Variants in TCF12 observed in about 807,000 individuals in gnomAD.
TCF12 encodes DNA-binding protein HTF4.
TCF12 carries 45 observed loss-of-function variants against 86.0 expected under a neutral mutation model. The observed-to-expected ratio is 0.52, with a 90% CI of 0.41 to 0.67. TCF12 has a LOEUF of 0.67. TCF12 is among the 30% of genes least tolerant of loss of function. The pLI is 0.00. For missense variants in TCF12, 881 were observed against 859.9 expected, an observed-to-expected ratio of 1.02 and a Z score of -0.31; for synonymous variants, 330 against 299.6, an observed-to-expected ratio of 1.10 and a Z score of -1.05.
intron 5 of TCF12, among the ~76,000 whole-genome samples, chr15:57,102,064 A>G (rs1205382993): frequency 6.6e-6 from 1 of 152,162 alleles, no homozygotes; most frequent in Non-Finnish European, 1.5e-5. Flanking sequence ...AGGTAGTTAT[A>G]TGTTTATGAA....
Position 57,253,435 on chromosome 15 carries a change from A to G in TCF12, c.1434A>G (p.Ser478=). ...GCCTCAATTCAAACTATGGAGGATC[A>G]AGCCTTGTTGCAAGCAGTCGATCAG... is the stretch of plus-strand genomic sequence containing the variant. ...IGSLNSNYGG[S]SLVASSRSAS... The change falls in exon 16 of 21, where the codon TCA becomes TCG. Residue 478 remains serine (S), a synonymous_variant. Coordinates refer to ENST00000333725, the MANE Select transcript of TCF12 (RefSeq NM_207037.2). The G allele has an allele frequency of 6.2e-7, 1 of 1,614,116 alleles. No individual in the cohort carries two copies. Among genetic ancestry groups the G allele is most frequent in the East Asian group, 2.2e-5 (1 of 44,876 alleles).
chr15:57,247,427 T>C (rs1313882866), intron 13 of TCF12: 6 of 697,092 alleles, frequency 8.6e-6, no homozygotes, highest in Admixed American at 3.7e-5. Flanking sequence ...TCCAGCAGAC[T>C]ACATCTCTTG....
chr15:57,279,884 CTTT>C (rs34752903), intron 19 of TCF12, among the ~76,000 whole-genome samples: 37,546 of 97,742 alleles, frequency 0.38, 6,379 homozygotes, highest in Non-Finnish European at 0.48. Flanking sequence ...CACAGTCTCA[CTTT>C]TTTTTTTTTT....
intron 5 of TCF12, among the ~76,000 whole-genome samples, chr15:57,140,155 G>C (rs913903382): frequency 2.8e-4 from 42 of 152,192 alleles, no homozygotes; most frequent in Admixed American, 1.4e-3. Flanking sequence ...AAGTAACCAA[G>C]TGTGTGTTGA....
At chr15:57,164,359 A>T (rs543750515) in intron 5 of TCF12, among the ~76,000 whole-genome samples, 1 of 152,322 alleles carries the variant, frequency 6.6e-6, no homozygotes, top group East Asian at 1.9e-4. Flanking sequence ...ATTGACTCAC[A>T]GTTCAACATG....
In TCF12 at chr15:57,071,790, A is replaced by G. The variant is rs1182152275; in HGVS notation, c.222+7967A>G. On this transcript the variant is annotated intron_variant, in intron 4 of 20. Transcript: ENST00000333725. ...AGATTACTTTGGATGGTCAAGAAAGACTTAATAGAGGAGGAAGTGTTTGAG... is the reference window on the plus strand; with the variant it reads ...AGATTACTTTGGATGGTCAAGAAAGGCTTAATAGAGGAGGAAGTGTTTGAG... Among the ~76,000 whole-genome samples the G allele has an allele frequency of 9.2e-5, 14 of 152,172 alleles. 1 individual carries two copies. The highest frequency in any genetic ancestry group is 9.2e-4 in the Admixed American group (14 of 15,274).
intron 3 of TCF12, among the ~76,000 whole-genome samples, chr15:56,986,458 T>C (rs1214146833): frequency 6.6e-6 from 1 of 152,200 alleles, no homozygotes; most frequent in African/African-American, 2.4e-5. Flanking sequence ...GTTTCCATTT[T>C]GGTATTACAG....
intron 5 of TCF12, among the ~76,000 whole-genome samples, chr15:57,156,447 GT>G (rs1482610885): frequency 6.6e-6 from 1 of 152,164 alleles, no homozygotes; most frequent in Non-Finnish European, 1.5e-5. Context: ...TTCCATGTTT[GT>G]TTCATTCCGT....
intron 9 of TCF12, among the ~76,000 whole-genome samples, chr15:57,231,723 T>C (rs1343125938): frequency 6.6e-6 from 1 of 152,180 alleles, no homozygotes; most frequent in Non-Finnish European, 1.5e-5. Context: ...TGGTCTCCTG[T>C]GGTTTTGGAC....
chr15:57,045,033 T>C (rs926507667), intron 3 of TCF12, among the ~76,000 whole-genome samples: 2 of 152,216 alleles, frequency 1.3e-5, no homozygotes, highest in African/African-American at 2.4e-5. Context: ...GGAAAGCAGA[T>C]ATAATTGATC....
chr15:57,273,126 G>A lies in TCF12; in HGVS notation c.1842G>A (p.Val614=), dbSNP rs2152098296. ...ACAATGCCAGAGAACGCTTACGCGTGCGGGATATTAATGAAGCATTCAAAG... is the reference window on the plus strand; with the variant it reads ...ACAATGCCAGAGAACGCTTACGCGTACGGGATATTAATGAAGCATTCAAAG... ...MANNARERLR[V]RDINEAFKEL... Residue 614 remains valine, a synonymous_variant, in exon 19 of 21, where the codon GTG becomes GTA. Coordinates refer to ENST00000333725, the MANE Select transcript of TCF12 (RefSeq NM_207037.2). 1 of 1,614,238 alleles carries A rather than the reference G, an allele frequency of 6.2e-7. No individual in the cohort carries two copies.
At chr15:57,279,736 A>G (rs1380881126) in intron 19 of TCF12, among the ~76,000 whole-genome samples, 1 of 152,068 alleles carries the variant, frequency 6.6e-6, no homozygotes, top group Non-Finnish European at 1.5e-5. Context: ...GCTAAGAGCA[A>G]TTTTCCATTA....
chr15:56,934,145 A>G (rs1159242117), intron 3 of TCF12, among the ~76,000 whole-genome samples: 1 of 152,140 alleles, frequency 6.6e-6, no homozygotes, highest in Non-Finnish European at 1.5e-5. Context: ...CCCCCATATT[A>G]GTGCCCTTCA....
intron 20 of TCF12, among the ~76,000 whole-genome samples, chr15:57,284,144 T>C (rs934028857): frequency 1.8e-4 from 28 of 152,218 alleles, no homozygotes; most frequent in Non-Finnish European, 3.2e-4. Flanking sequence ...TAAGTATTTT[T>C]GCTTCAAAAA....
chr15:56,979,703 A>G (rs1301004594), intron 3 of TCF12, among the ~76,000 whole-genome samples: 2 of 152,220 alleles, frequency 1.3e-5, no homozygotes, highest in Non-Finnish European at 2.9e-5. Context: ...AAAAAATTAC[A>G]GATTTCTACC....
intron 3 of TCF12, among the ~76,000 whole-genome samples, chr15:57,028,362 C>T (rs2065948387): frequency 7.1e-6 from 1 of 140,012 alleles, no homozygotes; most frequent in African/African-American, 2.9e-5. Flanking sequence ...GTTGCAGTTG[C>T]TCAACATTCT....
At chr15:56,953,825 T>G (rs2061384145) in intron 3 of TCF12, among the ~76,000 whole-genome samples, 1 of 138,830 alleles carries the variant, frequency 7.2e-6, no homozygotes, top group Admixed American at 7.5e-5. Flanking sequence ...GCTAAAAGTT[T>G]ATCAGTTTTT....
At position 57,273,160 on chromosome 15, in the gene TCF12, C is replaced by T. The variant is rs758543580; in HGVS notation, c.1876C>T (p.Arg626Ter). Residue 626 changes from arginine to a stop codon, truncating the protein, a stop_gained, in exon 19 of 21, where the codon CGA (arginine) becomes TGA (stop). Transcript: ENST00000333725. LOFTEE classifies it high-confidence loss of function. ...TAATGAAGCATTCAAAGAGCTTGGC[C>T]GAATGTGTCAGCTTCACTTGAAGAG... The part of the protein sequence containing the change: ...DINEAFKELG[R>*]MCQLHLKSEK... 1.9e-6 allele frequency: 3 copies of T among 1,614,032 alleles called. No homozygotes were observed. The highest frequency in any genetic ancestry group is 2.5e-6 in the Non-Finnish European group (3 of 1,180,040).
chr15:57,075,511 TG>T (rs1450611310), intron 4 of TCF12, among the ~76,000 whole-genome samples: 1 of 152,114 alleles, frequency 6.6e-6, no homozygotes, highest in Non-Finnish European at 1.5e-5. Flanking sequence ...CTCATTCTTA[TG>T]GGAAAAACAG....
Sources: gnomAD v4.1 joint callset for allele counts (sites outside exome capture counted in the v4.1 genomes callset) on GRCh38, gnomAD v4.1.1 for gene constraint, MANE v1.5 for transcripts, NCBI Gene and HGNC (gene_info 2026-07-23, HGNC 2026-07-21) for gene names.